The following PDZRN3 variants were observed in gnomAD, a reference collection of about 807,000 sequenced individuals.
PDZRN3 encodes PDZ domain containing ring finger 3, also known as E3 ubiquitin-protein ligase PDZRN3.
A neutral mutation model predicts 85.7 loss-of-function variants in PDZRN3; 38 were observed. That is an observed-to-expected ratio of 0.44 (90% CI 0.34 to 0.58). The LOEUF is 0.58. PDZRN3 is among the 20% of genes least tolerant of loss of function. The pLI is 0.01. For missense variants in PDZRN3, 1,629 were observed against 1,506.4 expected (o/e 1.08, Z -1.35); for synonymous variants, 759 against 638.0 (o/e 1.19, Z -2.86).
chr3:73,531,067 A>G (rs911690333), intron 3 of PDZRN3, among the ~76,000 whole-genome samples: 1 of 151,894 alleles, frequency 6.6e-6, no homozygotes, highest in Non-Finnish European at 1.5e-5. Flanking sequence ...TGGCTAACAC[A>G]GTGAAATCCC....
chr3:73,425,307 C>G (rs10049192), intron 3 of PDZRN3, among the ~76,000 whole-genome samples: 1 of 151,944 alleles, frequency 6.6e-6, no homozygotes, highest in South Asian at 2.1e-4. Context: ...CGTGAGCCAC[C>G]GCGCCCAGCC....
rs200132960 is a variant in PDZRN3 at position 73,384,249 on chromosome 3, T to G, written c.2317A>C (p.Ile773Leu). The change falls in exon 10 of 10, where the codon ATC becomes CTC. Residue 773 changes from isoleucine to leucine, a missense_variant. Physicochemically the swap from Ile to Leu is conservative, Grantham distance 5. Transcript: ENST00000263666. ...SCRSTPLTLEISPDNSLRRAA... is the reference protein window; with the variant it reads ...SCRSTPLTLELSPDNSLRRAA... Reference sequence around the variant, plus strand: ...CTCCTCAAGGAGTTGTCGGGGGAGATCTCCAGGGTGAGCGGGGTGCTGCGG... The same window carrying G: ...CTCCTCAAGGAGTTGTCGGGGGAGAGCTCCAGGGTGAGCGGGGTGCTGCGG... The G allele has an allele frequency of 6.1e-5, 99 of 1,613,376 alleles. No homozygotes were observed. In the South Asian group the frequency reaches 9.4e-4, roughly 15 times the overall value.
At position 73,382,757 on chromosome 3, in the gene PDZRN3, A is replaced by ACTC. The variant is rs1267090914; in HGVS notation, c.*605_*607dup. ...TTTTGCTTTCTGCTAAAACCTTTAC[A>ACTC]CTCTCTTGGGAACCTTAACCAGGAA... On this transcript the variant is annotated 3_prime_UTR_variant, in exon 10 of 10. Coordinates refer to ENST00000263666, the MANE Select transcript of PDZRN3 (RefSeq NM_015009.3). 1 of 152,516 alleles carries ACTC rather than the reference A, an allele frequency of 6.6e-6. No homozygotes were observed. The highest frequency in any genetic ancestry group is 2.4e-5 in the African/African-American group (1 of 41,382). 9.4% of individuals were successfully genotyped at this position (152,516 alleles called of 1,614,324 possible). A position where few individuals can be genotyped will look rare whatever the true frequency, so the allele number is the denominator to read the frequency against.
chr3:73,442,827 G>A (rs142296301), intron 3 of PDZRN3, among the ~76,000 whole-genome samples: 57 of 152,222 alleles, frequency 3.7e-4, no homozygotes, highest in East Asian at 3.7e-3. Flanking sequence ...GTCCCCCCAT[G>A]CCACAGCTCC....
intron 3 of PDZRN3, among the ~76,000 whole-genome samples, chr3:73,521,954 C>T (rs1704377589): frequency 6.6e-6 from 1 of 152,164 alleles, no homozygotes. Flanking sequence ...AAACTACAGC[C>T]TGTGAGCCAA....
At chr3:73,446,395 C>A (rs1702748965) in intron 3 of PDZRN3, among the ~76,000 whole-genome samples, 1 of 152,170 alleles carries the variant, frequency 6.6e-6, no homozygotes, top group Non-Finnish European at 1.5e-5. Context: ...AATACTATTC[C>A]ATCATTTGGA....
At chr3:73,565,190 G>A (rs551366696) in intron 3 of PDZRN3, among the ~76,000 whole-genome samples, 2 of 147,450 alleles carry the variant, frequency 1.4e-5, no homozygotes, top group Non-Finnish European at 3.0e-5. Flanking sequence ...GCGCAGTGGT[G>A]TAATCTCGGC....
chr3:73,473,851 A>T (rs539531009), intron 3 of PDZRN3, among the ~76,000 whole-genome samples: 1 of 152,268 alleles, frequency 6.6e-6, no homozygotes, highest in African/African-American at 2.4e-5. Flanking sequence ...ATCCTAACAC[A>T]GCTTTGTGAG....
At position 73,608,515 on chromosome 3, in the gene PDZRN3, C is replaced by T. The variant is rs1429616821; in HGVS notation, c.810+83G>A. On this transcript the variant is annotated intron_variant, in intron 2 of 9. Coordinates refer to ENST00000263666, the MANE Select transcript of PDZRN3 (RefSeq NM_015009.3). ...AGAATGAAGTGAGCAAAGTTTCCTG[C>T]TCCTCACTGTCCCCTTCAAACCTTG... 3.4e-6 allele frequency: 3 copies of T among 880,958 alleles called. No homozygotes were observed. In the South Asian group the frequency reaches 4.2e-5, roughly 12 times the overall value. 54.6% of individuals were successfully genotyped at this position (880,958 alleles called of 1,614,324 possible).
At chr3:73,461,877 T>TAATTGC (rs1375404225) in intron 3 of PDZRN3, among the ~76,000 whole-genome samples, 1 of 152,174 alleles carries the variant, frequency 6.6e-6, no homozygotes, top group African/African-American at 2.4e-5. Flanking sequence ...GAGTTGCCTT[T>TAATTGC]AATTGCCTGG....
At chr3:73,566,455 C>G (rs901261971) in intron 3 of PDZRN3, among the ~76,000 whole-genome samples, 1 of 152,096 alleles carries the variant, frequency 6.6e-6, no homozygotes, top group African/African-American at 2.4e-5. Flanking sequence ...AGGAACTCTG[C>G]AACAAAAGAA....
intron 3 of PDZRN3, among the ~76,000 whole-genome samples, chr3:73,475,097 C>G (rs1430132183): frequency 1.3e-5 from 2 of 151,944 alleles, no homozygotes; most frequent in South Asian, 2.1e-4. Context: ...ACAGAAGGGA[C>G]CACCAGCTCT....
intron 3 of PDZRN3, among the ~76,000 whole-genome samples, chr3:73,546,374 T>G (rs1259531535): frequency 2.6e-5 from 4 of 152,208 alleles, no homozygotes; most frequent in Non-Finnish European, 4.4e-5. Context: ...ATCGTCACTG[T>G]CTATAAGGGA....
chr3:73,536,483 T>C (rs1282922808), intron 3 of PDZRN3, among the ~76,000 whole-genome samples: 2 of 152,202 alleles, frequency 1.3e-5, no homozygotes, highest in Non-Finnish European at 2.9e-5. Context: ...ATGACAGGTA[T>C]GTGTGTCATT....
At chr3:73,443,498 T>TTTGG (rs57581231) in intron 3 of PDZRN3, among the ~76,000 whole-genome samples, 14 of 129,086 alleles carry the variant, frequency 1.1e-4, no homozygotes, top group South Asian at 7.1e-4. Flanking sequence ...TTTTTTTTTT[T>TTTGG]GGGGGGGGGA....
chr3:73,452,199 C>T (rs527338406), intron 3 of PDZRN3, among the ~76,000 whole-genome samples: 1 of 152,214 alleles, frequency 6.6e-6, no homozygotes, highest in African/African-American at 2.4e-5. Context: ...CATCATTCCA[C>T]AGATAGACGC....
chr3:73,391,169 G>A, intron 5 of PDZRN3, 53 bp from the exon 6 acceptor site: 1 of 1,070,826 alleles, frequency 9.3e-7, no homozygotes, highest in South Asian at 1.3e-5. Context: ...TGCGAGTTGA[G>A]GGGATGTCAA....
intron 6 of PDZRN3, among the ~76,000 whole-genome samples, chr3:73,390,290 T>C (rs927830324): frequency 3.3e-5 from 5 of 152,320 alleles, no homozygotes; most frequent in South Asian, 2.1e-4. Flanking sequence ...AACTTTAAAA[T>C]TGAAATATAA....
chr3:73,594,134 C>T (rs998641255), intron 3 of PDZRN3: 1 of 152,038 alleles, frequency 6.6e-6, no homozygotes, highest in Non-Finnish European at 1.5e-5. Context: ...ATAAATATAA[C>T]AAAGCCCATA....
Sources: allele counts gnomAD v4.1 joint callset (sites outside exome capture counted in the v4.1 genomes callset), GRCh38; gene constraint gnomAD v4.1.1; transcripts MANE v1.5; gene names NCBI Gene and HGNC (gene_info 2026-07-23, HGNC 2026-07-21).